Variants in LDLRAD3 observed in about 807,000 individuals in gnomAD.
LDLRAD3 encodes low-density lipoprotein receptor class A domain-containing protein 3.
A neutral mutation model predicts 29.4 loss-of-function variants in LDLRAD3; 20 were observed. The observed-to-expected ratio is 0.68, with a 90% confidence interval of 0.48 to 0.99. LDLRAD3 has a LOEUF of 0.99. Ranked by LOEUF, LDLRAD3 falls within the 50% of genes least tolerant of loss-of-function variation. The pLI is 0.00. For synonymous variants in LDLRAD3, 157 were observed against 192.7 expected (o/e 0.81, Z 1.53); for missense variants, 420 against 454.3 (o/e 0.92, Z 0.69).
intron 1 of LDLRAD3, among the ~76,000 whole-genome samples, chr11:36,033,433 G>C (rs1215824797): frequency 1.3e-5 from 2 of 152,164 alleles, no homozygotes; most frequent in African/African-American, 4.8e-5. Flanking sequence ...CAGCCTTATT[G>C]ACTCTCAGAG....
intron 4 of LDLRAD3, among the ~76,000 whole-genome samples, chr11:36,127,925 C>A (rs1853861414): frequency 6.6e-6 from 1 of 151,522 alleles, no homozygotes; most frequent in Admixed American, 6.6e-5. Flanking sequence ...AAAGGTCCAC[C>A]AGTTGAGGTG....
chr11:36,089,373 G>A (rs1853242782), intron 3 of LDLRAD3, among the ~76,000 whole-genome samples: 1 of 152,122 alleles, frequency 6.6e-6, no homozygotes, highest in Admixed American at 6.5e-5. Context: ...ATCAACCTAG[G>A]CGGTATAAAT....
intron 4 of LDLRAD3, among the ~76,000 whole-genome samples, chr11:36,131,903 C>A (rs565861842): frequency 4.6e-5 from 7 of 152,298 alleles, no homozygotes; most frequent in Non-Finnish European, 8.8e-5. Context: ...GTCTTTGTTT[C>A]GAGCATGTTC....
chr11:36,208,875 A>G (rs1278360264), intron 4 of LDLRAD3, among the ~76,000 whole-genome samples: 2 of 152,234 alleles, frequency 1.3e-5, no homozygotes, highest in South Asian at 2.1e-4. Context: ...CAGAAACAGG[A>G]TATTTGCATA....
chr11:35,989,805 G>T (rs12293683), intron 1 of LDLRAD3, among the ~76,000 whole-genome samples: 14,334 of 152,012 alleles, frequency 0.094, 2,207 homozygotes, highest in African/African-American at 0.33. Context: ...GCCTTTTGTT[G>T]GAGTCTTTAG....
intron 4 of LDLRAD3, among the ~76,000 whole-genome samples, chr11:36,126,717 C>G (rs1853843548): frequency 6.6e-6 from 1 of 152,164 alleles, no homozygotes; most frequent in East Asian, 1.9e-4. Flanking sequence ...TCCGGGAACT[C>G]CAGTGTTCCT....
chr11:36,118,038 A>G (rs1191090765), intron 4 of LDLRAD3, among the ~76,000 whole-genome samples: 3 of 152,134 alleles, frequency 2.0e-5, no homozygotes, highest in Non-Finnish European at 2.9e-5. Context: ...GAGAGAGGGC[A>G]TTTGGAAATG....
chr11:36,191,566 CTCTCTCTCTCTA>C (rs1277518092), intron 4 of LDLRAD3, among the ~76,000 whole-genome samples: 2 of 77,802 alleles, frequency 2.6e-5, no homozygotes, highest in Non-Finnish European at 4.9e-5. Flanking sequence ...CTCTCTCTCT[CTCTCTCTCTCTA>C]TATATATATA....
intron 1 of LDLRAD3, among the ~76,000 whole-genome samples, chr11:35,954,104 G>T (rs1851171449): frequency 1.3e-5 from 2 of 152,162 alleles, no homozygotes; most frequent in African/African-American, 4.8e-5. Context: ...CATAATAAAG[G>T]TTTAGCATAC....
At chr11:36,107,222 CAG>C (rs1166414176) in intron 4 of LDLRAD3, among the ~76,000 whole-genome samples, 1 of 149,218 alleles carries the variant, frequency 6.7e-6, no homozygotes, top group Non-Finnish European at 1.5e-5. Context: ...TTTTTTGAGA[CAG>C]AGTTTCACTC....
intron 3 of LDLRAD3, among the ~76,000 whole-genome samples, chr11:36,083,868 C>T (rs1335528524): frequency 1.3e-5 from 2 of 152,038 alleles, no homozygotes; most frequent in Non-Finnish European, 2.9e-5. Context: ...TATATATTCC[C>T]TGCCATAATT....
At chr11:36,069,218 A>G (rs537096776) in intron 2 of LDLRAD3, among the ~76,000 whole-genome samples, 56 of 152,326 alleles carry the variant, frequency 3.7e-4, no homozygotes, top group African/African-American at 1.0e-3. Context: ...GCTGTTTGTC[A>G]TCTGCCTTGG....
chr11:36,023,546 T>C (rs538289551), intron 1 of LDLRAD3, among the ~76,000 whole-genome samples: 2 of 152,186 alleles, frequency 1.3e-5, no homozygotes, highest in South Asian at 2.1e-4. Context: ...CTATCTTCAG[T>C]ACCTGCCTTT....
At chr11:36,191,639 C>G (rs1459527599) in intron 4 of LDLRAD3, among the ~76,000 whole-genome samples, 1 of 136,264 alleles carries the variant, frequency 7.3e-6, no homozygotes, top group Non-Finnish European at 1.6e-5. Flanking sequence ...CACGCACGCA[C>G]AAAGAAGAAA....
intron 3 of LDLRAD3, among the ~76,000 whole-genome samples, chr11:36,082,967 GC>G (rs1853138591): frequency 6.6e-6 from 1 of 152,074 alleles, no homozygotes; most frequent in South Asian, 2.1e-4. Flanking sequence ...ATTATCATTG[GC>G]TCTGAACAAA....
intron 1 of LDLRAD3, among the ~76,000 whole-genome samples, chr11:36,002,848 C>T (rs963310968): frequency 6.6e-6 from 1 of 152,198 alleles, no homozygotes; most frequent in Non-Finnish European, 1.5e-5. Flanking sequence ...AATAAGGTGG[C>T]ATTTATGCCA....
chr11:36,089,940 G>A (rs1435140175), intron 3 of LDLRAD3, among the ~76,000 whole-genome samples: 2 of 151,986 alleles, frequency 1.3e-5, no homozygotes, highest in South Asian at 2.1e-4. Context: ...CATTTATTGA[G>A]CACCTGCTAT....
In LDLRAD3 at chr11:36,229,463, T is replaced by C; in HGVS notation, c.*66T>C. ...GACTTGTTGCCATTCTAACAATTTG[T>C]GCTCATGGGAAGCTCTTTAAGCACC... On this transcript the variant is annotated 3_prime_UTR_variant, in exon 6 of 6. Transcript: ENST00000315571. The C allele has an allele frequency of 6.6e-6, 8 of 1,210,562 alleles. No homozygotes were observed. The South Asian group carries it at 9.1e-5, about 14-fold the overall frequency. The allele number at this position is 1,210,562 out of a possible 1,614,324, so 75.0% of individuals were successfully genotyped here. A position where few individuals can be genotyped will look rare whatever the true frequency, so the allele number is the denominator to read the frequency against.
intron 4 of LDLRAD3, among the ~76,000 whole-genome samples, chr11:36,100,503 G>A (rs1443461496): frequency 4.6e-5 from 7 of 152,208 alleles, no homozygotes; most frequent in Non-Finnish European, 1.0e-4. Context: ...GCAGTGGCGT[G>A]ATCTTGGCTC....
Sources: gnomAD v4.1 joint callset for allele counts (sites outside exome capture counted in the v4.1 genomes callset) on GRCh38, gnomAD v4.1.1 for gene constraint, MANE v1.5 for transcripts, NCBI Gene and HGNC (gene_info 2026-07-23, HGNC 2026-07-21) for gene names.